Variants in ADAMTSL3 observed in about 807,000 individuals in gnomAD.
The protein encoded by ADAMTSL3 is ADAMTS like 3, also known as ADAMTS-like protein 3.
In ADAMTSL3, 128 loss-of-function variants were observed where a neutral mutation model predicts 201.7. The observed-to-expected ratio is 0.63, with a 90% CI of 0.55 to 0.73. The LOEUF is 0.73. Ranked by LOEUF, ADAMTSL3 falls within the 30% of genes least tolerant of loss-of-function variation. ADAMTSL3 has a pLI of 0.00. For synonymous variants in ADAMTSL3, 738 were observed against 748.4 expected (o/e 0.99, Z 0.23); for missense variants, 1,990 against 2,119.6 (o/e 0.94, Z 1.20).
intron 6 of ADAMTSL3, among the ~76,000 whole-genome samples, chr15:83,835,103 G>C (rs375140340): frequency 6.6e-6 from 1 of 151,874 alleles, no homozygotes; most frequent in African/African-American, 2.4e-5. Context: ...GCATGGTGGC[G>C]GGTAGCTGTA....
At chr15:83,827,686 G>A (rs1325620091) in intron 6 of ADAMTSL3, among the ~76,000 whole-genome samples, 1 of 152,154 alleles carries the variant, frequency 6.6e-6, no homozygotes, top group Non-Finnish European at 1.5e-5. Context: ...ATTAATTTTT[G>A]TATAAGGTGC....
intron 3 of ADAMTSL3, among the ~76,000 whole-genome samples, chr15:83,746,045 T>C (rs1461711759): frequency 1.3e-5 from 2 of 152,154 alleles, no homozygotes; most frequent in African/African-American, 4.8e-5. Context: ...AGTGATGCTC[T>C]CAAAATCCAG....
At position 83,773,375 on chromosome 15, in the gene ADAMTSL3, T is replaced by C. The variant is rs1384278957; in HGVS notation, c.190-148T>C. ...GCGAGCCGAGATTGTGCCATTGCAC[T>C]CCTGGGCAATAAGATCGAAGCTCTG... is the stretch of plus-strand genomic sequence containing the variant. On this transcript the variant is annotated intron_variant, in intron 3 of 29. Coordinates refer to ENST00000286744, the MANE Select transcript of ADAMTSL3 (RefSeq NM_207517.3). 3.5e-6 allele frequency: 3 copies of C among 868,926 alleles called. No homozygotes were observed. The African/African-American group carries it at 5.2e-5, about 15-fold the overall frequency. 53.8% of individuals were successfully genotyped at this position (868,926 alleles called of 1,614,324 possible). A position where few individuals can be genotyped will look rare whatever the true frequency, so the allele number is the denominator to read the frequency against.
At chr15:83,881,313 A>C (rs772812891) in intron 9 of ADAMTSL3, among the ~76,000 whole-genome samples, 1 of 152,282 alleles carries the variant, frequency 6.6e-6, no homozygotes, top group African/African-American at 2.4e-5. Flanking sequence ...GTGTTTACCA[A>C]CACCTGACAC....
intron 3 of ADAMTSL3, among the ~76,000 whole-genome samples, chr15:83,714,256 C>T (rs1283711871): frequency 6.6e-6 from 1 of 152,112 alleles, no homozygotes; most frequent in Admixed American, 6.6e-5. Context: ...AAACTGGTAG[C>T]CTGAGATCAG....
chr15:83,895,155 C>G (rs1019151449), intron 13 of ADAMTSL3, among the ~76,000 whole-genome samples: 1 of 152,126 alleles, frequency 6.6e-6, no homozygotes, highest in African/African-American at 2.4e-5. Flanking sequence ...GAGTTACGTG[C>G]CAGAATTCAT....
chr15:83,738,225 T>C (rs918112234), intron 3 of ADAMTSL3, among the ~76,000 whole-genome samples: 5 of 152,208 alleles, frequency 3.3e-5, no homozygotes, highest in African/African-American at 1.2e-4. Context: ...CCAGGTAGTA[T>C]GTCAGATAGT....
Position 83,801,658 on chromosome 15 carries a change from ATATATATATATATATAT to A in ADAMTSL3, c.318-2991_318-2975del, listed in dbSNP as rs2063521232. On this transcript the variant is annotated intron_variant, in intron 4 of 29. Coordinates refer to ENST00000286744, the MANE Select transcript of ADAMTSL3 (RefSeq NM_207517.3). Reference sequence around the variant, plus strand: ...TATAAATATATAAATATAAATATATATATATATATATATATATATATATATATATATATATATGTATG... The same window carrying A: ...TATAAATATATAAATATAAATATATAATATATATATATATATATATGTATG... Among the ~76,000 whole-genome samples, 96 of 68,830 alleles carry A rather than the reference ATATATATATATATATAT, an allele frequency of 1.4e-3. 6 individuals are homozygous for A. The highest frequency in any genetic ancestry group is 2.6e-3 in the Admixed American group (13 of 4,926). The allele number at this position is 68,830 out of a possible 152,430, so 45.2% of individuals were successfully genotyped here.
At position 83,982,590 on chromosome 15, in the gene ADAMTSL3, C is replaced by G. The variant is rs1191232700; in HGVS notation, c.2962C>G (p.Gln988Glu). 6 of 1,614,170 alleles carry G rather than the reference C, an allele frequency of 3.7e-6. No homozygotes were observed. In the South Asian group the frequency reaches 5.5e-5, roughly 15 times the overall value. ...GTACCGGTGCATTGCAGGCTCTGCA[C>G]AGGAAACAGTTGTGCTCAAGCTCAT... ...GVYRCIAGSAQETVVLKLIGT... is the reference protein window; with the variant it reads ...GVYRCIAGSAEETVVLKLIGT... The change falls in exon 21 of 30, where the codon CAG becomes GAG. Residue 988 changes from glutamine to glutamate, a missense_variant. Gln to Glu is a conservative substitution (Grantham distance 29). Transcript: ENST00000286744.
At chr15:83,675,586 CTTTTT>C (rs77339448) in intron 2 of ADAMTSL3, among the ~76,000 whole-genome samples, 1 of 126,056 alleles carries the variant, frequency 7.9e-6, no homozygotes. Flanking sequence ...GTGCTGTTTT[CTTTTT>C]TTTTTTTTTT....
At chr15:83,943,463 A>G (rs2066601439) in intron 19 of ADAMTSL3, among the ~76,000 whole-genome samples, 1 of 152,168 alleles carries the variant, frequency 6.6e-6, no homozygotes, top group Non-Finnish European at 1.5e-5. Context: ...CATTTTGAAC[A>G]TCTTCCATGC....
intron 3 of ADAMTSL3, among the ~76,000 whole-genome samples, chr15:83,739,545 G>T (rs1355057085): frequency 6.6e-6 from 1 of 150,966 alleles, no homozygotes; most frequent in East Asian, 1.9e-4. Context: ...TTTAGAATTG[G>T]GTGCCATCCC....
rs1023436466 is a variant in ADAMTSL3, at chr15:83,677,838, C to T, written c.69+22008C>T. On this transcript the variant is annotated intron_variant, in intron 2 of 29. Coordinates refer to ENST00000286744, the MANE Select transcript of ADAMTSL3 (RefSeq NM_207517.3). ...TAAACTTATTTTGTCTTTAGTCTCA[C>T]TTTTTTTTGTTCTGCTGTTTCCCTT... Among the ~76,000 whole-genome samples the T allele has an allele frequency of 2.6e-5, 4 of 151,466 alleles. No homozygotes were observed. In the East Asian group the frequency reaches 7.7e-4, roughly 29 times the overall value.
At chr15:83,986,605 T>C (rs949699493) in intron 21 of ADAMTSL3, among the ~76,000 whole-genome samples, 1 of 152,246 alleles carries the variant, frequency 6.6e-6, no homozygotes, top group Non-Finnish European at 1.5e-5. Context: ...AATTTATGTT[T>C]AATTCCCTTT....
At chr15:83,846,806 C>T (rs964631739) in intron 7 of ADAMTSL3, among the ~76,000 whole-genome samples, 2 of 152,184 alleles carry the variant, frequency 1.3e-5, no homozygotes, top group Admixed American at 6.5e-5. Context: ...TTATCCTCAC[C>T]AGCCTCCTGA....
chr15:83,690,761 T>C (rs2061599558), intron 2 of ADAMTSL3, among the ~76,000 whole-genome samples: 1 of 152,210 alleles, frequency 6.6e-6, no homozygotes, highest in African/African-American at 2.4e-5. Flanking sequence ...ACAAGACGCA[T>C]GCTTGTACAG....
chr15:83,695,216 T>TGCA, intron 2 of ADAMTSL3, among the ~76,000 whole-genome samples: 1 of 106,758 alleles, frequency 9.4e-6, no homozygotes, highest in African/African-American at 3.4e-5. Flanking sequence ...GTGGTGTGTG[T>TGCA]GTGTGTGTGT....
At chr15:83,991,599 A>C (rs1329285779) in intron 23 of ADAMTSL3, among the ~76,000 whole-genome samples, 1 of 152,208 alleles carries the variant, frequency 6.6e-6, no homozygotes, top group Non-Finnish European at 1.5e-5. Flanking sequence ...AAATTGTAAG[A>C]CATGTCCTCT....
rs766850565 is a variant in ADAMTSL3 at position 83,897,918 on chromosome 15, G to A, written c.1528G>A (p.Gly510Arg). 21 of 1,613,744 alleles carry A rather than the reference G, an allele frequency of 1.3e-5. No individual in the cohort carries two copies. The highest frequency in any genetic ancestry group is 4.0e-5 in the African/African-American group (3 of 74,898). ...YRVVLCINHR[G>R]EHVGGCNPQL... The stretch of plus-strand genomic sequence containing the variant: ...GGTTGTTCTGTGTATTAACCACCGC[G>A]GAGAGCATGTTGGGGGCTGCAATCC... Residue 510 changes from glycine (G) to arginine (R), a missense_variant, in exon 14 of 30, where the codon GGA becomes AGA. Transcript: ENST00000286744.
Sources: allele counts gnomAD v4.1 joint callset (sites outside exome capture counted in the v4.1 genomes callset), GRCh38; gene constraint gnomAD v4.1.1; transcripts MANE v1.5; gene names NCBI Gene and HGNC (gene_info 2026-07-23, HGNC 2026-07-21).